The following VPS36 variants were observed in gnomAD, a reference collection of about 807,000 sequenced individuals.
VPS36 encodes the protein vacuolar protein sorting 36 homolog, also known as vacuolar protein-sorting-associated protein 36.
VPS36 carries 31 observed loss-of-function variants against 63.5 expected under a neutral mutation model. The ratio of observed to expected loss-of-function variants is 0.49; its 90% CI spans 0.37 to 0.66. VPS36 has a LOEUF of 0.66. VPS36 is among the 30% of genes least tolerant of loss of function. The pLI, the probability that VPS36 is intolerant of heterozygous loss-of-function variation, is 0.00. For synonymous variants in VPS36, 138 were observed against 157.2 expected (o/e 0.88, Z 0.91); for missense variants, 338 against 463.7 (o/e 0.73, Z 2.49).
At chr13:52,447,620 C>G (rs941237327) in intron 1 of VPS36, among the ~76,000 whole-genome samples, 12 of 152,176 alleles carry the variant, frequency 7.9e-5, no homozygotes, top group African/African-American at 2.9e-4. Context: ...TCCATTGGAT[C>G]TGGTTTGCAA....
At chr13:52,433,779 A>G (rs778520561) in intron 5 of VPS36, 31 bp from the exon 6 acceptor site, 8 of 1,570,450 alleles carry the variant, frequency 5.1e-6, no homozygotes, top group African/African-American at 1.4e-5. Flanking sequence ...AAAATAAAAC[A>G]TACAAAATAG....
At chr13:52,439,246 C>A in intron 2 of VPS36, 78 bp from the exon 3 acceptor site, 2 of 1,209,194 alleles carry the variant, frequency 1.7e-6, no homozygotes, top group South Asian at 1.4e-5. Flanking sequence ...TGTTTTATAG[C>A]ATTACAGTGC....
intron 1 of VPS36, among the ~76,000 whole-genome samples, chr13:52,446,378 G>A (rs868544829): frequency 1.3e-5 from 2 of 152,076 alleles, no homozygotes; most frequent in Non-Finnish European, 2.9e-5. Context: ...ATTTAAGGCT[G>A]GAGCCAGCCT....
intron 4 of VPS36, among the ~76,000 whole-genome samples, chr13:52,435,653 TA>T (rs1015884164): frequency 6.6e-6 from 1 of 152,226 alleles, no homozygotes; most frequent in Non-Finnish European, 1.5e-5. Context: ...TAATCAAATA[TA>T]TTTTTCAACT....
At chr13:52,423,804 G>A (rs1477477735) in intron 9 of VPS36, among the ~76,000 whole-genome samples, 165 bp from the exon 10 acceptor site, 1 of 151,992 alleles carries the variant, frequency 6.6e-6, no homozygotes, top group Non-Finnish European at 1.5e-5. Context: ...GATACCACAA[G>A]GCAGTTTAGA....
chr13:52,443,310 A>G (rs1270126039), intron 1 of VPS36, among the ~76,000 whole-genome samples: 1 of 152,156 alleles, frequency 6.6e-6, no homozygotes, highest in East Asian at 1.9e-4. Context: ...AAAACCCCCA[A>G]ATTCATATGT....
chr13:52,419,351 C>T (rs1033335695), intron 10 of VPS36, among the ~76,000 whole-genome samples: 2 of 152,190 alleles, frequency 1.3e-5, no homozygotes, highest in Non-Finnish European at 2.9e-5. Context: ...TTGTTCCAAC[C>T]GAGTTGATTC....
chr13:52,435,029 T>C, intron 4 of VPS36, 147 bp from the exon 5 acceptor site: 1 of 707,190 alleles, frequency 1.4e-6, no homozygotes, highest in Non-Finnish European at 2.2e-6. Flanking sequence ...TGGAGTGCAA[T>C]GGCGTGATCT....
Position 52,415,622 on chromosome 13 carries a change from A to C in VPS36, c.*208T>G, listed in dbSNP as rs1213356529. On this transcript the variant is annotated 3_prime_UTR_variant, in exon 14 of 14. Coordinates refer to ENST00000378060, the MANE Select transcript of VPS36 (RefSeq NM_016075.4). ...TGCACTATAGCATGATTTTAAATTC[A>C]TATTGGCATTCACTTTTCTGAATTT... The C allele has an allele frequency of 1.9e-6, 1 of 538,086 alleles. No homozygotes were observed. The highest frequency in any genetic ancestry group is 3.3e-6 in the Non-Finnish European group (1 of 301,362). 33.3% of individuals were successfully genotyped at this position (538,086 alleles called of 1,614,324 possible). A position where few individuals can be genotyped will look rare whatever the true frequency, so the allele number is the denominator to read the frequency against.
In VPS36 at chr13:52,414,783, T is replaced by C. The variant is rs2137765318; in HGVS notation, c.*1047A>G. On this transcript the variant is annotated 3_prime_UTR_variant, in exon 14 of 14. Transcript: ENST00000378060. ...TGAGTTTGAGATAATGCGAACATAC[T>C]GGAGGCTGTAGCAATAACATGTGAA... 1 of 152,340 alleles carries C rather than the reference T, an allele frequency of 6.6e-6. No individual in the cohort carries two copies. Among genetic ancestry groups the C allele is most frequent in the East Asian group, 1.9e-4 (1 of 5,184 alleles). 9.4% of individuals were successfully genotyped at this position (152,340 alleles called of 1,614,324 possible).
intron 1 of VPS36, chr13:52,450,213 C>CGG (rs1362607616): frequency 9.4e-7 from 1 of 1,061,778 alleles, no homozygotes; most frequent in African/African-American, 1.7e-5. Flanking sequence ...TGTGCGCTCC[C>CGG]GGAAGCATTC....
In VPS36 at chr13:52,434,928, A is replaced by C. The variant is rs377565478; in HGVS notation, c.352-46T>G. On this transcript the variant is annotated intron_variant, in intron 4 of 13. Coordinates refer to ENST00000378060, the MANE Select transcript of VPS36 (RefSeq NM_016075.4). ...CTTTAAATGACTCAGTCAGATTGTAACATCCTTGTATAAATCATTACTTAA... is the reference window on the plus strand; with the variant it reads ...CTTTAAATGACTCAGTCAGATTGTACCATCCTTGTATAAATCATTACTTAA... The C allele has an allele frequency of 1.8e-5, 27 of 1,505,344 alleles. No homozygotes were observed. The African/African-American group carries it at 3.3e-4, about 19-fold the overall frequency. The allele number at this position is 1,505,344 out of a possible 1,614,324, so 93.2% of individuals were successfully genotyped here. A position where few individuals can be genotyped will look rare whatever the true frequency, so the allele number is the denominator to read the frequency against.
chr13:52,423,597 C>T lies in VPS36; in HGVS notation c.817G>A (p.Val273Ile). 2 of 1,612,246 alleles carry T rather than the reference C, an allele frequency of 1.2e-6. No homozygotes were observed. The highest frequency in any genetic ancestry group is 2.2e-5 in the South Asian group (2 of 90,810). ...IMSLTEVYCL[V>I]NRARGMELLS... Reference sequence around the variant, plus strand: ...ACTTCCATTCCTCGAGCTCGGTTTACTAAGCAGTACACCTCCGTGAGTGAC... The same window carrying T: ...ACTTCCATTCCTCGAGCTCGGTTTATTAAGCAGTACACCTCCGTGAGTGAC... Residue 273 changes from valine (V) to isoleucine (I), a missense_variant, in exon 10 of 14, where the codon GTA becomes ATA. Coordinates refer to ENST00000378060, the MANE Select transcript of VPS36 (RefSeq NM_016075.4).
chr13:52,435,203 T>C (rs1052346087), intron 4 of VPS36, among the ~76,000 whole-genome samples: 1 of 152,004 alleles, frequency 6.6e-6, no homozygotes, highest in Non-Finnish European at 1.5e-5. Context: ...ACTCTCGACC[T>C]CAGGTGATCT....
intron 1 of VPS36, among the ~76,000 whole-genome samples, chr13:52,446,494 T>G (rs1958345053): frequency 1.3e-5 from 2 of 152,192 alleles, no homozygotes; most frequent in South Asian, 4.1e-4. Flanking sequence ...TGGATTAAGA[T>G]CTAAACCTGA....
chr13:52,450,514 G>A lies in VPS36; in HGVS notation c.81C>T (p.Tyr27=). The change falls in exon 1 of 14, where the codon TAC becomes TAT. Residue 27 remains tyrosine, a synonymous_variant. Transcript: ENST00000378060. Reference sequence around the variant, plus strand: ...GACGCCCTACCTTCTCCTCGCCATCGTAGATTCGCACCCCGCGCTGCTGGA... The same window carrying A: ...GACGCCCTACCTTCTCCTCGCCATCATAGATTCGCACCCCGCGCTGCTGGA... ...LVIQQRGVRI[Y]DGEEKIKFDA... 6.3e-7 allele frequency: 1 copy of A among 1,593,662 alleles called. No homozygotes were observed. Among genetic ancestry groups the A allele is most frequent in the Non-Finnish European group, 8.5e-7 (1 of 1,170,404 alleles).
At chr13:52,418,817 G>A (rs1483616627) in intron 10 of VPS36, among the ~76,000 whole-genome samples, 2 of 152,168 alleles carry the variant, frequency 1.3e-5, no homozygotes, top group Non-Finnish European at 2.9e-5. Flanking sequence ...AGCACATGAT[G>A]TGGCTATCCT....
intron 7 of VPS36, 27 bp downstream of exon 7, chr13:52,427,160 A>C (rs1427994822): frequency 6.2e-7 from 1 of 1,611,058 alleles, no homozygotes. Context: ...AATTGGTATG[A>C]ATTTAATAGG....
intron 1 of VPS36, among the ~76,000 whole-genome samples, chr13:52,445,826 G>C (rs1958333654): frequency 7.2e-6 from 1 of 139,814 alleles, no homozygotes. Flanking sequence ...TGTAGTCCCA[G>C]CTACTTGGGA....
Sources: allele counts gnomAD v4.1 joint callset (sites outside exome capture counted in the v4.1 genomes callset), GRCh38; gene constraint gnomAD v4.1.1; transcripts MANE v1.5; gene names NCBI Gene and HGNC (gene_info 2026-07-23, HGNC 2026-07-21).